CDK5RAP2: variants seen among roughly 807,000 people sequenced by gnomAD.
The protein encoded by CDK5RAP2 is CDK5 regulatory subunit associated protein 2, also known as CDK5 regulatory subunit-associated protein 2.
Under a neutral mutation model 232.9 loss-of-function variants are expected in CDK5RAP2, and 147 were observed. The observed-to-expected ratio is 0.63, with a 90% CI of 0.55 to 0.72. The LOEUF (loss-of-function observed/expected upper bound fraction) is 0.72, where lower values mean the gene tolerates loss of function less well. Ranked by LOEUF, CDK5RAP2 falls within the 30% of genes least tolerant of loss-of-function variation. CDK5RAP2 has a pLI of 0.00. For missense variants in CDK5RAP2, 2,195 were observed against 2,231.5 expected, an observed-to-expected ratio of 0.98 and a Z score of 0.33; for synonymous variants, 833 against 833.7, an observed-to-expected ratio of 1.00 and a Z score of 0.01.
chr9:120,427,036 A>G (rs2034950678), intron 25 of CDK5RAP2, among the ~76,000 whole-genome samples: 1 of 152,132 alleles, frequency 6.6e-6, no homozygotes, highest in Admixed American at 6.5e-5. Context: ...GGGTCCCCTC[A>G]CCTAGCTGTA....
chr9:120,575,161 C>A (rs974267371), intron 1 of CDK5RAP2, among the ~76,000 whole-genome samples: 1 of 152,136 alleles, frequency 6.6e-6, no homozygotes, highest in Non-Finnish European at 1.5e-5. Flanking sequence ...AAGCGATTCT[C>A]GTGCCTCAGC....
chr9:120,477,383 G>A lies in CDK5RAP2; in HGVS notation c.1694C>T (p.Thr565Ile). Residue 565 changes from threonine to isoleucine, a missense_variant, in exon 15 of 38, where the codon ACC (threonine) becomes ATC (isoleucine). Thr to Ile is a moderately conservative substitution (Grantham distance 89, BLOSUM62 -1). Coordinates refer to ENST00000349780, the MANE Select transcript of CDK5RAP2 (RefSeq NM_018249.6). ...QVLKKEQDIY[T>I]HLVKSLQESD... ...TTCCTGCAGAGATTTGACCAGATGG[G>A]TATAGATGTCCTGCTCTTTCTTTAA... The A allele has an allele frequency of 6.2e-7, 1 of 1,613,808 alleles. No homozygotes were observed. The highest frequency in any genetic ancestry group is 8.5e-7 in the Non-Finnish European group (1 of 1,179,820).
intron 32 of CDK5RAP2, chr9:120,406,533 C>T (rs981735943): frequency 1.9e-5 from 3 of 161,018 alleles, no homozygotes; most frequent in African/African-American, 4.8e-5. Flanking sequence ...TCCTCTTTCT[C>T]GTACCCCCCA....
chr9:120,518,576 G>A lies in CDK5RAP2; in HGVS notation c.1162C>T (p.Leu388Phe). 6.2e-7 allele frequency: 1 copy of A among 1,613,628 alleles called. No individual in the cohort carries two copies. Among genetic ancestry groups the A allele is most frequent in the Non-Finnish European group, 8.5e-7 (1 of 1,179,958 alleles). ...ALSAALRSQN[L>F]TKSTENHRLR... Reference sequence around the variant, plus strand: ...CTGTGGTTCTCTGTACTCTTGGTGAGGTTTTGTGAGCGCAGCGCAGCCGAA... The same window carrying A: ...CTGTGGTTCTCTGTACTCTTGGTGAAGTTTTGTGAGCGCAGCGCAGCCGAA... The change falls in exon 12 of 38, where the codon CTC (leucine) becomes TTC (phenylalanine). Residue 388 changes from leucine (L) to phenylalanine (F), a missense_variant. By Grantham distance (22) the Leu-to-Phe change is conservative (BLOSUM62 0). Coordinates refer to ENST00000349780, the MANE Select transcript of CDK5RAP2 (RefSeq NM_018249.6).
intron 12 of CDK5RAP2, among the ~76,000 whole-genome samples, chr9:120,507,034 C>A (rs887551131): frequency 6.6e-5 from 10 of 152,106 alleles, no homozygotes; most frequent in African/African-American, 2.4e-4. Flanking sequence ...ATCAACGTGG[C>A]AAACTTCATT....
intron 5 of CDK5RAP2, among the ~76,000 whole-genome samples, chr9:120,542,966 G>C (rs1314209615): frequency 6.6e-6 from 1 of 152,184 alleles, no homozygotes; most frequent in African/African-American, 2.4e-5. Flanking sequence ...AGGTGAGAGG[G>C]GAGGAGGTCT....
At chr9:120,565,256 G>A (rs1040937235) in intron 3 of CDK5RAP2, among the ~76,000 whole-genome samples, 2 of 152,180 alleles carry the variant, frequency 1.3e-5, no homozygotes, top group African/African-American at 4.8e-5. Context: ...AGCTCCTCCA[G>A]CTCTGAAATT....
In CDK5RAP2 at chr9:120,389,044, T is replaced by C. The variant is rs548567544; in HGVS notation, c.*192A>G. The C allele has an allele frequency of 1.6e-6, 1 of 614,170 alleles. No individual in the cohort carries two copies. The highest frequency in any genetic ancestry group is 2.8e-5 in the East Asian group (1 of 36,360). 38.0% of individuals were successfully genotyped at this position (614,170 alleles called of 1,614,324 possible). On this transcript the variant is annotated 3_prime_UTR_variant, in exon 38 of 38. Coordinates refer to ENST00000349780, the MANE Select transcript of CDK5RAP2 (RefSeq NM_018249.6). ...GAGCTCGAGGCCTTTTTACCACCCG[T>C]TTGTGGAGCACCTGCACCTTTCTGA...
At position 120,536,453 on chromosome 9, in the gene CDK5RAP2, C is replaced by A. The variant is rs367746734; in HGVS notation, c.581G>T (p.Arg194Leu). Reference protein sequence around the residue: ...GTETEKALRLRLESKLSEMKK... With the variant: ...GTETEKALRLLLESKLSEMKK... ...CATCTCTGAAAGCTTGCTTTCCAAACGCAACCGAAGAGCCTTCTCCGTCTC... is the reference window on the plus strand; with the variant it reads ...CATCTCTGAAAGCTTGCTTTCCAAAAGCAACCGAAGAGCCTTCTCCGTCTC... The change falls in exon 7 of 38, where the codon CGT becomes CTT. Residue 194 changes from arginine to leucine, a missense_variant. Transcript: ENST00000349780. 5.6e-6 allele frequency: 9 copies of A among 1,614,158 alleles called. No homozygotes were observed. The highest frequency in any genetic ancestry group is 1.7e-5 in the Admixed American group (1 of 60,020).
Position 120,530,147 on chromosome 9 carries a change from G to A in CDK5RAP2, c.663-7C>T. The A allele has an allele frequency of 1.9e-6, 3 of 1,610,276 alleles. No homozygotes were observed. Among genetic ancestry groups the A allele is most frequent in the South Asian group, 1.1e-5 (1 of 91,000 alleles). Reference sequence around the variant, plus strand: ...CTTCAACTCCTCAATCAGTCTAAAAGAGAACAAAATTTAAATATTAATTCT... The same window carrying A: ...CTTCAACTCCTCAATCAGTCTAAAAAAGAACAAAATTTAAATATTAATTCT... On this transcript the variant is annotated splice_region_variant and splice_polypyrimidine_tract_variant and intron_variant, in intron 7 of 37. Coordinates refer to ENST00000349780, the MANE Select transcript of CDK5RAP2 (RefSeq NM_018249.6).
intron 25 of CDK5RAP2, among the ~76,000 whole-genome samples, chr9:120,424,570 T>A (rs1404772550): frequency 6.6e-6 from 1 of 152,166 alleles, no homozygotes; most frequent in Non-Finnish European, 1.5e-5. Context: ...ATTCAGCAGA[T>A]AAGACTAACC....
At chr9:120,456,266 G>A (rs1303054681) in intron 20 of CDK5RAP2, among the ~76,000 whole-genome samples, 1 of 152,198 alleles carries the variant, frequency 6.6e-6, no homozygotes, top group Non-Finnish European at 1.5e-5. Flanking sequence ...CCTCATTGGT[G>A]TTAGTTCTTT....
intron 7 of CDK5RAP2, among the ~76,000 whole-genome samples, chr9:120,534,078 T>C (rs1041180572): frequency 6.6e-6 from 1 of 152,176 alleles, no homozygotes; most frequent in Non-Finnish European, 1.5e-5. Context: ...TAAATTTAAA[T>C]CTGATCTTGT....
chr9:120,504,617 C>T (rs1192276228), intron 12 of CDK5RAP2, among the ~76,000 whole-genome samples: 2 of 152,168 alleles, frequency 1.3e-5, no homozygotes, highest in Non-Finnish European at 2.9e-5. Flanking sequence ...CACATGTAGA[C>T]CTCTGATCAT....
At chr9:120,418,334 G>A (rs531188667) in intron 27 of CDK5RAP2, among the ~76,000 whole-genome samples, 4 of 152,350 alleles carry the variant, frequency 2.6e-5, no homozygotes, top group South Asian at 2.1e-4. Context: ...TGGACAGGGC[G>A]AAGGGTGGAA....
At chr9:120,465,878 G>C (rs1004285449) in intron 18 of CDK5RAP2, among the ~76,000 whole-genome samples, 1 of 152,176 alleles carries the variant, frequency 6.6e-6, no homozygotes, top group Non-Finnish European at 1.5e-5. Flanking sequence ...ATGGCAATTA[G>C]CAAGAACAGG....
chr9:120,513,436 C>G (rs1425169756), intron 12 of CDK5RAP2, among the ~76,000 whole-genome samples: 1 of 152,204 alleles, frequency 6.6e-6, no homozygotes, highest in South Asian at 2.1e-4. Context: ...CAACTTCTCT[C>G]GGGTTAATCT....
intron 20 of CDK5RAP2, 84 bp downstream of exon 20, chr9:120,458,366 C>T (rs1216162297): frequency 2.3e-5 from 31 of 1,323,208 alleles, no homozygotes; most frequent in African/African-American, 8.7e-5. Context: ...TTACACAGCA[C>T]GATCATCTAA....
chr9:120,462,296 A>G (rs1219225946), intron 18 of CDK5RAP2, among the ~76,000 whole-genome samples: 4 of 152,220 alleles, frequency 2.6e-5, no homozygotes, highest in Admixed American at 6.5e-5. Flanking sequence ...CCTCATTACC[A>G]TAACATTCTC....
Sources: allele counts gnomAD v4.1 joint callset (sites outside exome capture counted in the v4.1 genomes callset), GRCh38; gene constraint gnomAD v4.1.1; transcripts MANE v1.5; gene names NCBI Gene and HGNC (gene_info 2026-07-23, HGNC 2026-07-21).